Variants in MGAM observed in about 807,000 individuals in gnomAD.
The protein encoded by MGAM is alpha-1,4-glucosidase.
In MGAM, 253 loss-of-function variants were observed where a neutral mutation model predicts 358.8. The ratio of observed to expected loss-of-function variants is 0.71; its 90% CI spans 0.64 to 0.78. The LOEUF is 0.78. Among genes scored for constraint, MGAM ranks in the 30% least tolerant of loss-of-function variants. The pLI, the probability that MGAM is intolerant of heterozygous loss-of-function variation, is 0.00. For missense variants in MGAM, 3,080 were observed against 3,432.6 expected (o/e 0.90, Z 2.57); for synonymous variants, 1,105 against 1,227.1 (o/e 0.90, Z 2.08).
At chr7:142,088,182 G>T (rs1814929319) in intron 57 of MGAM, among the ~76,000 whole-genome samples, 1 of 146,198 alleles carries the variant, frequency 6.8e-6, no homozygotes, top group African/African-American at 2.4e-5. Flanking sequence ...TGGCCTCCTG[G>T]ATCCCAGAGC....
At chr7:142,077,870 G>C (rs1813870543) in intron 47 of MGAM, among the ~76,000 whole-genome samples, 1 of 145,510 alleles carries the variant, frequency 6.9e-6, no homozygotes, top group Non-Finnish European at 1.6e-5. Context: ...TCTTATTGCT[G>C]TGTTCTTTCT....
intron 5 of MGAM, 128 bp from the exon 6 acceptor site, chr7:142,021,458 A>G (rs1229590336): frequency 3.3e-6 from 3 of 920,262 alleles, no homozygotes; most frequent in Non-Finnish European, 4.8e-6. Flanking sequence ...TGGTAACATA[A>G]TGAGTACATC....
rs748892386 is a variant in MGAM, at chr7:142,094,571, A to C, written c.7307-49A>C. 6 of 1,557,806 alleles carry C rather than the reference A, an allele frequency of 3.9e-6. 2 individuals carry two copies. Among genetic ancestry groups the C allele is most frequent in the Non-Finnish European group, 5.3e-6 (6 of 1,133,614 alleles). ...ATCCTTGGGGAAGAGGTGAGGAGGC[A>C]GGTCGTGAGAGCGAGCCTGGTGTGA... On this transcript the variant is annotated intron_variant, in intron 61 of 70. Transcript: ENST00000475668.
chr7:142,047,728 T>G, intron 21 of MGAM, 57 bp from the exon 22 acceptor site: 1 of 1,489,208 alleles, frequency 6.7e-7, no homozygotes, highest in East Asian at 2.3e-5. Context: ...TATTCTCAGC[T>G]CGGCTGGCAA....
intron 69 of MGAM, 36 bp from the exon 70 acceptor site, chr7:142,103,233 T>C: frequency 6.7e-7 from 1 of 1,501,972 alleles, no homozygotes; most frequent in Non-Finnish European, 9.0e-7. Flanking sequence ...GAACTAATTC[T>C]GCTATTATAT....
At chr7:142,080,060 A>G (rs1421476748) in intron 49 of MGAM, among the ~76,000 whole-genome samples, 1 of 146,786 alleles carries the variant, frequency 6.8e-6, no homozygotes, top group African/African-American at 2.4e-5. Context: ...ATTCTTCACC[A>G]GAATGACTTG....
intron 21 of MGAM, among the ~76,000 whole-genome samples, chr7:142,041,999 T>C (rs554263673): frequency 8.3e-5 from 1 of 11,990 alleles, no homozygotes; most frequent in Non-Finnish European, 1.4e-4. Flanking sequence ...TATATATATA[T>C]TATATATATA....
At position 142,052,407 on chromosome 7, in the gene MGAM, T is replaced by C; in HGVS notation, c.2919T>C (p.Ala973=). 1 of 1,613,492 alleles carries C rather than the reference T, an allele frequency of 6.2e-7. No homozygotes were observed. Among genetic ancestry groups the C allele is most frequent in the Admixed American group, 1.7e-5 (1 of 59,944 alleles). ...KIDCYPDENG[A]SAENCTARGC... The stretch of plus-strand genomic sequence containing the variant: ...ACTGTTACCCTGATGAGAATGGTGC[T>C]TCTGCCGAAAACTGCACTGCCCGTG... The change falls in exon 25 of 71, where the codon GCT becomes GCC. Residue 973 remains alanine (A), a synonymous_variant. Coordinates refer to ENST00000475668, the MANE Select transcript of MGAM (RefSeq NM_001365693.1).
rs551582407 is a variant in MGAM, at chr7:142,059,269, G to A, written c.3820-203G>A. ...TCTCATCCTAGCTTGTGCTGACTTC[G>A]ATTTTTTTTCTATCTTATCACTGAA... On this transcript the variant is annotated intron_variant, in intron 31 of 70. Coordinates refer to ENST00000475668, the MANE Select transcript of MGAM (RefSeq NM_001365693.1). 7.9e-5 allele frequency among the ~76,000 whole-genome samples: 12 copies of A among 152,216 alleles called. No individual in the cohort carries two copies. The South Asian group carries it at 2.3e-3, about 29-fold the overall frequency.
At chr7:142,091,664 C>G (rs925546651) in intron 57 of MGAM, among the ~76,000 whole-genome samples, 1 of 146,368 alleles carries the variant, frequency 6.8e-6, no homozygotes, top group Non-Finnish European at 1.5e-5. Flanking sequence ...CATTGATTGT[C>G]ATCATCCATG....
intron 21 of MGAM, among the ~76,000 whole-genome samples, chr7:142,045,276 C>G (rs866625217): frequency 1.2e-4 from 2 of 16,402 alleles, no homozygotes; most frequent in African/African-American, 2.7e-4. Context: ...TTATATATAC[C>G]TATAATATAT....
intron 19 of MGAM, among the ~76,000 whole-genome samples, chr7:142,039,053 G>A (rs1177254341): frequency 6.6e-6 from 1 of 151,170 alleles, no homozygotes; most frequent in African/African-American, 2.4e-5. Flanking sequence ...GAGCAGCGAT[G>A]TCATATAGCA....
chr7:142,003,043 C>A (rs569600765), intron 1 of MGAM, among the ~76,000 whole-genome samples: 1 of 151,978 alleles, frequency 6.6e-6, no homozygotes, highest in Non-Finnish European at 1.5e-5. Context: ...CTACAGACAA[C>A]TATAAAACAC....
At chr7:142,038,308 T>C (rs1270692133) in intron 18 of MGAM, among the ~76,000 whole-genome samples, 3 of 152,170 alleles carry the variant, frequency 2.0e-5, no homozygotes, top group Non-Finnish European at 4.4e-5. Flanking sequence ...CATACTGGAA[T>C]AGAAACATCT....
At chr7:142,046,387 A>G (rs1413156308) in intron 21 of MGAM, among the ~76,000 whole-genome samples, 1 of 151,708 alleles carries the variant, frequency 6.6e-6, no homozygotes, top group Non-Finnish European at 1.5e-5. Flanking sequence ...TGATAATCTT[A>G]TAACTGTGGG....
At chr7:142,088,469 C>CG (rs1229207134) in intron 57 of MGAM, among the ~76,000 whole-genome samples, 2,238 of 91,426 alleles carry the variant, frequency 0.024, 95 homozygotes, top group African/African-American at 0.12. Flanking sequence ...ATGTACGTAT[C>CG]TATCTATCTA....
At chr7:142,021,446 TTTGGTA>T (rs1806446453) in intron 5 of MGAM, 134 bp from the exon 6 acceptor site, 6 of 828,102 alleles carry the variant, frequency 7.2e-6, no homozygotes, top group Non-Finnish European at 9.3e-6. Context: ...ACCATTTGAG[TTTGGTA>T]ACATAATGAG....
rs766785266 is a variant in MGAM, at chr7:142,078,414, C to T, written c.5590C>T (p.Pro1864Ser). Residue 1864 changes from proline to serine, a missense_variant, in exon 48 of 71, where the codon CCT becomes TCT. Physicochemically the swap from Pro to Ser is moderately conservative, Grantham distance 74. Around this residue, in one of 5 missense-constraint regions of MGAM, gnomAD observed 932 missense variants for 1,198.2 expected, o/e 0.78. Coordinates refer to ENST00000475668, the MANE Select transcript of MGAM (RefSeq NM_001365693.1). ...GGATGAAGAAAAAATAGACTGTTAC[C>T]CTGATGAGAATGGTGATTCTGCAGA... Reference protein sequence around the residue: ...IRDEEKIDCYPDENGDSAENC... With the variant: ...IRDEEKIDCYSDENGDSAENC... 9 of 1,540,156 alleles carry T rather than the reference C, an allele frequency of 5.8e-6. No homozygotes were observed. The highest frequency in any genetic ancestry group is 8.0e-6 in the Non-Finnish European group (9 of 1,123,854).
chr7:142,039,328 CT>C (rs1308444587), intron 19 of MGAM, among the ~76,000 whole-genome samples: 2 of 151,950 alleles, frequency 1.3e-5, no homozygotes, highest in Non-Finnish European at 1.5e-5. Context: ...TCTCAAACTG[CT>C]GACCTCAGAT....
Sources: allele counts gnomAD v4.1 joint callset (sites outside exome capture counted in the v4.1 genomes callset), GRCh38; gene constraint gnomAD v4.1.1; regional missense constraint gnomAD v4.1.1; transcripts MANE v1.5; gene names NCBI Gene and HGNC (gene_info 2026-07-23, HGNC 2026-07-21).